The following CXCR5 variants were observed in gnomAD, a reference collection of about 807,000 sequenced individuals.
The protein encoded by CXCR5 is C-X-C motif chemokine receptor 5, also known as C-X-C chemokine receptor type 5.
CXCR5 carries 3 observed loss-of-function variants against 5.6 expected under a neutral mutation model. The ratio of observed to expected loss-of-function variants is 0.54; its 90% CI spans 0.24 to 1.39. The LOEUF is 1.39. Ranked by LOEUF, CXCR5 falls within the 40% of genes most tolerant of loss-of-function variation. CXCR5 has a pLI of 0.16. For missense variants in CXCR5, 333 were observed against 494.6 expected (o/e 0.67, Z 3.10); for synonymous variants, 218 against 219.9 (o/e 0.99, Z 0.08).
At chr11:118,885,103 C>T (rs2137649762) in intron 1 of CXCR5, among the ~76,000 whole-genome samples, 1 of 152,244 alleles carries the variant, frequency 6.6e-6, no homozygotes, top group South Asian at 2.1e-4. Context: ...GTTCCACCAA[C>T]CATGTTCCCA....
At chr11:118,889,126 A>G (rs1443489089) in intron 1 of CXCR5, among the ~76,000 whole-genome samples, 1 of 152,180 alleles carries the variant, frequency 6.6e-6, no homozygotes, top group Non-Finnish European at 1.5e-5. Context: ...AAGCCCCTCA[A>G]TACTGGACAC....
intron 1 of CXCR5, chr11:118,885,877 T>C (rs1939702884): frequency 6.4e-6 from 1 of 156,788 alleles, no homozygotes; most frequent in Non-Finnish European, 1.4e-5. Flanking sequence ...ACTCAGGGTC[T>C]AGCCAGGAGC....
chr11:118,893,044 G>A lies in CXCR5; in HGVS notation c.52-552G>A, dbSNP rs1399454577. 1.3e-5 allele frequency among the ~76,000 whole-genome samples: 2 copies of A among 152,294 alleles called. No homozygotes were observed. The highest frequency in any genetic ancestry group is 2.1e-4 in the South Asian group (1 of 4,824). ...ATATTACATACCTTGAGCGGGTTGTGCATATTGAACCAGATGGGAGGCTAT... is the reference window on the plus strand; with the variant it reads ...ATATTACATACCTTGAGCGGGTTGTACATATTGAACCAGATGGGAGGCTAT... On this transcript the variant is annotated intron_variant, in intron 1 of 1. Coordinates refer to ENST00000292174, the MANE Select transcript of CXCR5 (RefSeq NM_001716.5). The surrounding 1 kb of genome is among the most constrained non-coding windows in gnomAD (Gnocchi z 5.7).
Position 118,893,739 on chromosome 11 carries a change from C to A in CXCR5, c.195C>A (p.Gly65=), listed in dbSNP as rs537787473. ...PVAYSLIFLL[G]VIGNVLVLVI... ...CCTACAGCCTCATCTTCCTCCTGGG[C>A]GTGATCGGCAACGTCCTGGTGCTGG... Residue 65 remains glycine, a synonymous_variant, in exon 2 of 2, where the codon GGC becomes GGA. Coordinates refer to ENST00000292174, the MANE Select transcript of CXCR5 (RefSeq NM_001716.5). This position sits in a 1 kb window ranked among gnomAD's most constrained non-coding sequence, Gnocchi z 5.7. The A allele has an allele frequency of 1.9e-6, 3 of 1,614,218 alleles. No homozygotes were observed. In the Admixed American group the frequency reaches 5.0e-5, roughly 27 times the overall value.
rs927491225 is a variant in CXCR5 at position 118,897,554 on chromosome 11, G to C, written c.*2891G>C. 1 of 350,602 alleles carries C rather than the reference G, an allele frequency of 2.9e-6. No homozygotes were observed. Among genetic ancestry groups the C allele is most frequent in the South Asian group, 2.1e-5 (1 of 46,632 alleles). 21.7% of individuals were successfully genotyped at this position (350,602 alleles called of 1,614,324 possible). A position where few individuals can be genotyped will look rare whatever the true frequency, so the allele number is the denominator to read the frequency against. ...GTCTCAGCCCTGCTAGGGCTCACCA[G>C]GTGGAAGCCTAGGTGGTCTGACCTC... On this transcript the variant is annotated 3_prime_UTR_variant, in exon 2 of 2. Coordinates refer to ENST00000292174, the MANE Select transcript of CXCR5 (RefSeq NM_001716.5).
Position 118,894,320 on chromosome 11 carries a change from G to A in CXCR5, c.776G>A (p.Arg259Lys). 6.2e-7 allele frequency: 1 copy of A among 1,614,148 alleles called. No homozygotes were observed. Among genetic ancestry groups the A allele is most frequent in the African/African-American group, 1.3e-5 (1 of 75,052 alleles). ...QRRPQRQKAV[R>K]VAILVTSIFF... Reference sequence around the variant, plus strand: ...CGCCCTCAGCGGCAGAAGGCAGTCAGGGTGGCCATCCTGGTGACAAGCATC... The same window carrying A: ...CGCCCTCAGCGGCAGAAGGCAGTCAAGGTGGCCATCCTGGTGACAAGCATC... The change falls in exon 2 of 2, where the codon AGG becomes AAG. Residue 259 changes from arginine to lysine, a missense_variant. Arg to Lys is a conservative substitution (Grantham distance 26, BLOSUM62 2). Transcript: ENST00000292174. The surrounding 1 kb of genome is among the most constrained non-coding windows in gnomAD (Gnocchi z 6.1).
intron 1 of CXCR5, chr11:118,887,164 G>A (rs148473061): frequency 4.7e-5 from 41 of 870,684 alleles, no homozygotes; most frequent in African/African-American, 1.5e-4. Context: ...CAGAGTCTCC[G>A]TCAGGAACTC....
At chr11:118,892,474 T>G (rs1939826273) in intron 1 of CXCR5, among the ~76,000 whole-genome samples, 1 of 152,044 alleles carries the variant, frequency 6.6e-6, no homozygotes. Flanking sequence ...GTATTGCCAT[T>G]TTGAATCCAC....
At chr11:118,886,247 C>T (rs1939707613) in intron 1 of CXCR5, 3 of 422,586 alleles carry the variant, frequency 7.1e-6, no homozygotes, top group South Asian at 3.4e-5. Context: ...CCTCCTTGTC[C>T]TTGCCCATAC....
rs374453116 is a variant in CXCR5, at chr11:118,883,892, C to T, written c.-50C>T. 1.5e-5 allele frequency: 23 copies of T among 1,585,944 alleles called. No homozygotes were observed. Among genetic ancestry groups the T allele is most frequent in the Admixed American group, 3.4e-5 (2 of 58,284 alleles). ...TCTCTAGAGGCACCTGGCGGGGAGC[C>T]TCTCAACATAAGACAGTGACCAGTC... On this transcript the variant is annotated 5_prime_UTR_variant, in exon 1 of 2. Transcript: ENST00000292174.
intron 1 of CXCR5, among the ~76,000 whole-genome samples, chr11:118,889,949 G>T (rs796413612): frequency 2.6e-5 from 4 of 152,342 alleles, no homozygotes; most frequent in African/African-American, 9.6e-5. Context: ...AGACAGGCTG[G>T]CTGGACCTAA....
chr11:118,891,684 C>T (rs1939812715), intron 1 of CXCR5, among the ~76,000 whole-genome samples: 1 of 151,978 alleles, frequency 6.6e-6, no homozygotes, highest in Admixed American at 6.6e-5. Flanking sequence ...GCCTGGCCAA[C>T]ATGGTGAAAC....
chr11:118,887,487 C>G, intron 1 of CXCR5: 7 of 950,976 alleles, frequency 7.4e-6, no homozygotes, highest in Non-Finnish European at 8.8e-6. Context: ...AACTCTCCCC[C>G]TAACACCACA....
intron 1 of CXCR5, among the ~76,000 whole-genome samples, chr11:118,888,874 C>T (rs1939763287): frequency 1.3e-5 from 2 of 152,206 alleles, no homozygotes; most frequent in South Asian, 4.1e-4. Context: ...GCATGCTAGG[C>T]ACCCCTGCCC....
rs2137669933 is a variant in CXCR5, at chr11:118,897,664, A to C, written c.*3001A>C. The C allele has an allele frequency of 7.4e-6, 3 of 402,792 alleles. No homozygotes were observed. The highest frequency in any genetic ancestry group is 5.5e-5 in the South Asian group (3 of 54,464). 25.0% of individuals were successfully genotyped at this position (402,792 alleles called of 1,614,324 possible). A position where few individuals can be genotyped will look rare whatever the true frequency, so the allele number is the denominator to read the frequency against. On this transcript the variant is annotated 3_prime_UTR_variant, in exon 2 of 2. Transcript: ENST00000292174. Reference sequence around the variant, plus strand: ...CCCTTAGGGACCCAGAGACACTGCAAACAGTGGGTGGCCATGTAGGGCTGC... The same window carrying C: ...CCCTTAGGGACCCAGAGACACTGCACACAGTGGGTGGCCATGTAGGGCTGC...
chr11:118,886,653 A>C, intron 1 of CXCR5: 1 of 294,580 alleles, frequency 3.4e-6, no homozygotes, highest in Non-Finnish European at 6.6e-6. Flanking sequence ...TGTCTATGCG[A>C]CCCTCGATCT....
chr11:118,887,298 G>A, intron 1 of CXCR5: 2 of 985,398 alleles, frequency 2.0e-6, no homozygotes, highest in Non-Finnish European at 2.4e-6. Context: ...CAAGAGTGGT[G>A]GGGAAAAATA....
Position 118,894,588 on chromosome 11 carries a change from G to A in CXCR5, c.1044G>A (p.Leu348=), listed in dbSNP as rs757834637. The A allele has an allele frequency of 2.6e-6, 4 of 1,528,346 alleles. No individual in the cohort carries two copies. The highest frequency in any genetic ancestry group is 2.3e-5 in the East Asian group (1 of 44,094). 94.7% of individuals were successfully genotyped at this position (1,528,346 alleles called of 1,614,324 possible). The change falls in exon 2 of 2, where the codon CTG becomes CTA. Residue 348 remains leucine, a synonymous_variant. Transcript: ENST00000292174. This position sits in a 1 kb window ranked among gnomAD's most constrained non-coding sequence, Gnocchi z 6.1. ...TGGGCTGTACCGGCCCTGCCTCCCT[G>A]TGCCAGCTCTTCCCTAGCTGGCGCA... The part of the protein sequence containing the change: ...TKLGCTGPAS[L]CQLFPSWRRS...
At chr11:118,892,552 G>A (rs368080570) in intron 1 of CXCR5, among the ~76,000 whole-genome samples, 2 of 152,202 alleles carry the variant, frequency 1.3e-5, no homozygotes, top group East Asian at 3.9e-4. Flanking sequence ...GGGAAGAACA[G>A]AGCTGGGAGG....
Sources: gnomAD v4.1 joint callset for allele counts (sites outside exome capture counted in the v4.1 genomes callset) on GRCh38, gnomAD v4.1.1 for gene constraint, Gnocchi (gnomAD v3.1) non-coding constraint, MANE v1.5 for transcripts, NCBI Gene and HGNC (gene_info 2026-07-23, HGNC 2026-07-21) for gene names.